Variants in AXDND1 observed in about 807,000 individuals in gnomAD.
AXDND1 encodes axonemal dynein light chain domain-containing protein 1.
A neutral mutation model predicts 137.5 loss-of-function variants in AXDND1; 110 were observed. The ratio of observed to expected loss-of-function variants is 0.80; its 90% CI spans 0.69 to 0.94. AXDND1 has a LOEUF of 0.94. Ranked by LOEUF, AXDND1 falls within the 40% of genes least tolerant of loss-of-function variation. The pLI, the probability that AXDND1 is intolerant of heterozygous loss-of-function variation, is 0.00. For synonymous variants in AXDND1, 414 were observed against 399.7 expected, an observed-to-expected ratio of 1.04 and a Z score of -0.43; for missense variants, 1,191 against 1,169.8, an observed-to-expected ratio of 1.02 and a Z score of -0.26.
At chr1:179,377,123 G>A (rs568548673) in intron 4 of AXDND1, among the ~76,000 whole-genome samples, 2 of 152,130 alleles carry the variant, frequency 1.3e-5, no homozygotes, top group African/African-American at 2.4e-5. Flanking sequence ...GTAGAGATGG[G>A]GTTTCGCCAT....
chr1:179,463,675 G>C (rs1012766450), intron 16 of AXDND1, among the ~76,000 whole-genome samples: 1 of 152,146 alleles, frequency 6.6e-6, no homozygotes, highest in African/African-American at 2.4e-5. Flanking sequence ...GGATATCCTT[G>C]TTAACTTTCT....
intron 17 of AXDND1, among the ~76,000 whole-genome samples, chr1:179,470,313 G>A (rs914412912): frequency 2.0e-5 from 3 of 152,038 alleles, no homozygotes; most frequent in Non-Finnish European, 2.9e-5. Context: ...TTGCAATTCC[G>A]TATAAATTTT....
At chr1:179,515,005 T>C (rs1204171475) in intron 21 of AXDND1, among the ~76,000 whole-genome samples, 1 of 152,194 alleles carries the variant, frequency 6.6e-6, no homozygotes, top group Non-Finnish European at 1.5e-5. Context: ...TGAGTTCTTA[T>C]CCATTCTGCA....
At position 179,411,231 on chromosome 1, in the gene AXDND1, A is replaced by G. The variant is rs1354593525; in HGVS notation, c.1195A>G (p.Ile399Val). The change falls in exon 12 of 26, where the codon ATC becomes GTC. Residue 399 changes from isoleucine to valine, a missense_variant. Transcript: ENST00000367618. ...DMKKLVAERD[I>V]WSSATYELAL... ...GAAAAAGTTAGTGGCAGAAAGAGAT[A>G]TCTGGAGCTCAGCCACATATGAATT... is the stretch of plus-strand genomic sequence containing the variant. 1.9e-6 allele frequency: 3 copies of G among 1,613,292 alleles called. No homozygotes were observed. The highest frequency in any genetic ancestry group is 1.1e-5 in the South Asian group (1 of 90,870).
chr1:179,537,333 G>C (rs1005483935), intron 25 of AXDND1, among the ~76,000 whole-genome samples: 1 of 152,102 alleles, frequency 6.6e-6, no homozygotes, highest in African/African-American at 2.4e-5. Context: ...ATTGGCTGTG[G>C]GTTTGTCATA....
intron 17 of AXDND1, among the ~76,000 whole-genome samples, chr1:179,482,337 G>T (rs1665519857): frequency 6.6e-6 from 1 of 152,064 alleles, no homozygotes; most frequent in Admixed American, 6.6e-5. Context: ...ATGATTCTCA[G>T]CATGCTATGC....
chr1:179,513,434 A>G (rs1212486479), intron 21 of AXDND1, among the ~76,000 whole-genome samples: 6 of 152,158 alleles, frequency 3.9e-5, no homozygotes, highest in African/African-American at 1.4e-4. Context: ...ATGGTGGATT[A>G]TCTTTTTGAT....
chr1:179,484,095 T>C (rs9786993), intron 18 of AXDND1, among the ~76,000 whole-genome samples: 71,937 of 152,062 alleles, frequency 0.47, 17,627 homozygotes, highest in East Asian at 0.76. Flanking sequence ...GACTCCTTCC[T>C]GGTCCCCAGT....
chr1:179,422,816 T>G (rs147125680), intron 12 of AXDND1, among the ~76,000 whole-genome samples: 6,942 of 152,196 alleles, frequency 0.046, 233 homozygotes, highest in Non-Finnish European at 0.069. Context: ...CAGGCTGGAG[T>G]GCAGTGGTGC....
Position 179,370,049 on chromosome 1 carries a change from C to T in AXDND1, c.345C>T (p.Asp115=). The change falls in exon 4 of 26, where the codon GAC becomes GAT. Residue 115 remains aspartate (D), a synonymous_variant. Transcript: ENST00000367618. ...VRRNKFKYLI[D]HPVSLTGAGR... Reference sequence around the variant, plus strand: ...GGAATAAATTCAAATACCTGATTGACCATCCCGTCTCCCTCACAGGAGCTG... The same window carrying T: ...GGAATAAATTCAAATACCTGATTGATCATCCCGTCTCCCTCACAGGAGCTG... The T allele has an allele frequency of 6.2e-7, 1 of 1,613,462 alleles. No individual in the cohort carries two copies. The highest frequency in any genetic ancestry group is 8.5e-7 in the Non-Finnish European group (1 of 1,179,502).
intron 21 of AXDND1, among the ~76,000 whole-genome samples, chr1:179,524,811 G>A (rs1670383677): frequency 6.6e-6 from 1 of 151,972 alleles, no homozygotes. Context: ...TAGAATGATT[G>A]TTTTGAAATG....
intron 16 of AXDND1, chr1:179,448,080 C>G: frequency 9.4e-7 from 1 of 1,060,392 alleles, no homozygotes; most frequent in African/African-American, 1.6e-5. Flanking sequence ...TGTTATGATT[C>G]TGCATCATAT....
At chr1:179,418,763 G>A (rs921615791) in intron 12 of AXDND1, among the ~76,000 whole-genome samples, 1 of 151,960 alleles carries the variant, frequency 6.6e-6, no homozygotes, top group Non-Finnish European at 1.5e-5. Flanking sequence ...GGGCGGAGAC[G>A]CTCCTCACTT....
At chr1:179,385,067 C>T (rs1648985146) in intron 8 of AXDND1, among the ~76,000 whole-genome samples, 171 bp from the exon 9 acceptor site, 1 of 152,010 alleles carries the variant, frequency 6.6e-6, no homozygotes, top group Admixed American at 6.6e-5. Context: ...CTTGGGCAGA[C>T]CAGCATTTAA....
At chr1:179,539,717 T>C (rs931037427) in intron 25 of AXDND1, among the ~76,000 whole-genome samples, 2 of 152,218 alleles carry the variant, frequency 1.3e-5, no homozygotes, top group African/African-American at 2.4e-5. Flanking sequence ...CTGTATTTCC[T>C]GAATTTGAAT....
In AXDND1 at chr1:179,534,902, G is replaced by C. The variant is rs6425573; in HGVS notation, c.2971G>C (p.Glu991Gln). Residue 991 changes from glutamate to glutamine, a missense_variant, in exon 25 of 26, where the codon GAA (glutamate) becomes CAA (glutamine). By Grantham distance (29) the Glu-to-Gln change is conservative. Transcript: ENST00000367618. Reference protein sequence around the residue: ...QDEREVKEEEEQQEEEEVRSA... With the variant: ...QDEREVKEEEQQQEEEEVRSA... ...TGAAAGAGAAGTAAAAGAAGAAGAAGAACAACAAGAAGAAGAAGAAGTCAG... is the reference window on the plus strand; with the variant it reads ...TGAAAGAGAAGTAAAAGAAGAAGAACAACAACAAGAAGAAGAAGAAGTCAG... 1.7e-4 allele frequency: 252 copies of C among 1,494,878 alleles called. No homozygotes were observed. Among genetic ancestry groups the C allele is most frequent in the South Asian group, 7.4e-4 (61 of 82,710 alleles). The allele number at this position is 1,494,878 out of a possible 1,614,324, so 92.6% of individuals were successfully genotyped here.
intron 11 of AXDND1, among the ~76,000 whole-genome samples, chr1:179,397,473 C>T (rs1453866233): frequency 6.6e-6 from 1 of 152,034 alleles, no homozygotes; most frequent in Non-Finnish European, 1.5e-5. Flanking sequence ...TGAGGATGAT[C>T]TTCTTGTGAA....
At chr1:179,476,901 T>G (rs548527815) in intron 17 of AXDND1, among the ~76,000 whole-genome samples, 5 of 152,322 alleles carry the variant, frequency 3.3e-5, no homozygotes, top group African/African-American at 1.2e-4. Flanking sequence ...TTCAATAAAT[T>G]TGGAAAGTTT....
intron 6 of AXDND1, among the ~76,000 whole-genome samples, chr1:179,379,796 C>CAAA (rs5779022): frequency 1.7e-4 from 16 of 93,568 alleles, no homozygotes; most frequent in African/African-American, 1.7e-4. Context: ...AACTCCATCT[C>CAAA]AAAAAAAAAA....
Sources: gnomAD v4.1 joint callset for allele counts (sites outside exome capture counted in the v4.1 genomes callset) on GRCh38, gnomAD v4.1.1 for gene constraint, MANE v1.5 for transcripts, NCBI Gene and HGNC (gene_info 2026-07-23, HGNC 2026-07-21) for gene names.